The following CSMD3 variants were observed in gnomAD, a reference collection of about 807,000 sequenced individuals.
CSMD3 encodes CUB and sushi domain-containing protein 3.
A neutral mutation model predicts 435.2 loss-of-function variants in CSMD3; 177 were observed. The ratio of observed to expected loss-of-function variants is 0.41; its 90% CI spans 0.36 to 0.46. The LOEUF is 0.46. Among genes scored for constraint, CSMD3 ranks in the 20% least tolerant of loss-of-function variants. The pLI is 0.34. For synonymous variants in CSMD3, 1,656 were observed against 1,520.5 expected (o/e 1.09, Z -2.07); for missense variants, 4,265 against 4,504.6 (o/e 0.95, Z 1.52).
chr8:112,474,228 T>C (rs553735226), intron 31 of CSMD3, among the ~76,000 whole-genome samples: 1 of 152,130 alleles, frequency 6.6e-6, no homozygotes, highest in East Asian at 1.9e-4. Context: ...AACAAAGATA[T>C]ATGTGGCCAG....
At chr8:112,859,070 T>C (rs1174233294) in intron 11 of CSMD3, 75 bp downstream of exon 11, 22 of 1,376,876 alleles carry the variant, frequency 1.6e-5, no homozygotes, top group South Asian at 8.2e-5. Flanking sequence ...CCATACTGCA[T>C]GTTCCGTATT....
chr8:112,690,737 G>C (rs1268371093), intron 13 of CSMD3, among the ~76,000 whole-genome samples: 1 of 152,140 alleles, frequency 6.6e-6, no homozygotes, highest in East Asian at 1.9e-4. Flanking sequence ...CAACCTTTGA[G>C]ATGTATCCAA....
intron 11 of CSMD3, among the ~76,000 whole-genome samples, chr8:112,833,332 AT>A (rs919831037): frequency 1.3e-5 from 2 of 151,712 alleles, no homozygotes; most frequent in African/African-American, 4.8e-5. Flanking sequence ...TATTTTAATA[AT>A]TTTTTTAGTA....
chr8:113,356,078 G>A, intron 1 of CSMD3, among the ~76,000 whole-genome samples: 1 of 151,514 alleles, frequency 6.6e-6, no homozygotes, highest in Admixed American at 6.6e-5. Flanking sequence ...ACCCTCCCAT[G>A]CATGGTCCAA....
intron 30 of CSMD3, among the ~76,000 whole-genome samples, chr8:112,495,035 T>A (rs1035993763): frequency 1.3e-5 from 2 of 152,178 alleles, no homozygotes; most frequent in African/African-American, 4.8e-5. Context: ...TTCTTTCACA[T>A]AAAATATTCA....
chr8:112,983,947 C>G (rs2085151418), intron 6 of CSMD3, among the ~76,000 whole-genome samples: 1 of 151,932 alleles, frequency 6.6e-6, no homozygotes, highest in Non-Finnish European at 1.5e-5. Flanking sequence ...AAACGTCTTA[C>G]TTTCCTGCAA....
chr8:113,119,632 G>C (rs763830550), intron 4 of CSMD3, among the ~76,000 whole-genome samples: 7 of 152,106 alleles, frequency 4.6e-5, no homozygotes, highest in Non-Finnish European at 1.0e-4. Flanking sequence ...TTCCTGACTA[G>C]GCTGAAGAAT....
At chr8:113,282,421 C>T (rs1237733784) in intron 2 of CSMD3, among the ~76,000 whole-genome samples, 1 of 151,948 alleles carries the variant, frequency 6.6e-6, no homozygotes, top group Non-Finnish European at 1.5e-5. Flanking sequence ...AAATCAGTAG[C>T]TCTTCTATAC....
rs199595848 is a variant in CSMD3, at chr8:113,349,978, C to T, written c.179-35185G>A. Reference sequence around the variant, plus strand: ...TGGGTCTACCTCTTGAGAAGCCTGGCAGTTTCCAATTATGGTCTTAAGAGT... The same window carrying T: ...TGGGTCTACCTCTTGAGAAGCCTGGTAGTTTCCAATTATGGTCTTAAGAGT... On this transcript the variant is annotated intron_variant, in intron 1 of 70. Coordinates refer to ENST00000297405, the MANE Select transcript of CSMD3 (RefSeq NM_198123.2). Among the ~76,000 whole-genome samples the T allele has an allele frequency of 3.3e-5, 5 of 151,988 alleles. No individual in the cohort carries two copies. In the East Asian group the frequency reaches 9.7e-4, roughly 29 times the overall value.
At chr8:112,433,973 T>C (rs997358529) in intron 32 of CSMD3, among the ~76,000 whole-genome samples, 1 of 152,112 alleles carries the variant, frequency 6.6e-6, no homozygotes, top group South Asian at 2.1e-4. Context: ...AGCTATTTTG[T>C]TTTTTCAGTG....
At chr8:113,358,418 T>A (rs1195083882) in intron 1 of CSMD3, among the ~76,000 whole-genome samples, 1 of 152,280 alleles carries the variant, frequency 6.6e-6, no homozygotes, top group Non-Finnish European at 1.5e-5. Flanking sequence ...AGTGGCATGA[T>A]CTCAGCTAAC....
intron 2 of CSMD3, chr8:113,313,984 G>C (rs1323528205): frequency 6.6e-6 from 1 of 152,078 alleles, no homozygotes; most frequent in Non-Finnish European, 1.5e-5. Context: ...CTTAAAAATA[G>C]TCAGGGTGCT....
chr8:112,938,557 CAA>C (rs2083355281), intron 9 of CSMD3, among the ~76,000 whole-genome samples: 1 of 152,030 alleles, frequency 6.6e-6, no homozygotes, highest in African/African-American at 2.4e-5. Context: ...GTAGCATGTG[CAA>C]TATTACACAG....
intron 5 of CSMD3, among the ~76,000 whole-genome samples, chr8:113,047,931 T>C (rs561447536): frequency 6.6e-6 from 1 of 152,084 alleles, no homozygotes; most frequent in African/African-American, 2.4e-5. Context: ...TGAAATTAGG[T>C]CTGTATCTTA....
Position 113,406,900 on chromosome 8 carries a change from T to C in CSMD3, c.178+29777A>G, listed in dbSNP as rs574572063. Among the ~76,000 whole-genome samples the C allele has an allele frequency of 3.5e-4, 54 of 152,224 alleles. 1 individual carries two copies. The South Asian group carries it at 0.011, about 32-fold the overall frequency. On this transcript the variant is annotated intron_variant, in intron 1 of 70. Transcript: ENST00000297405. ...AGTGTTTCAAAAACTCCATCTACTG[T>C]AGTTTATTGTTAAATTTATGGTAGC...
intron 11 of CSMD3, among the ~76,000 whole-genome samples, chr8:112,852,414 C>T (rs947956245): frequency 6.6e-6 from 1 of 151,982 alleles, no homozygotes; most frequent in African/African-American, 2.4e-5. Context: ...GGACTGGACC[C>T]AGAATACAAG....
chr8:112,945,939 G>A (rs2083597757), intron 9 of CSMD3, among the ~76,000 whole-genome samples: 2 of 151,426 alleles, frequency 1.3e-5, no homozygotes, highest in African/African-American at 4.8e-5. Context: ...AATTATGTAG[G>A]TACCCACCTT....
chr8:112,432,767 G>A (rs1813852425), intron 32 of CSMD3, among the ~76,000 whole-genome samples: 1 of 151,942 alleles, frequency 6.6e-6, no homozygotes, highest in South Asian at 2.1e-4. Flanking sequence ...TTTTAATGTG[G>A]GTCTCAGTTG....
chr8:112,401,125 T>C (rs1445974205), intron 35 of CSMD3, among the ~76,000 whole-genome samples: 3 of 151,946 alleles, frequency 2.0e-5, no homozygotes, highest in African/African-American at 7.3e-5. Flanking sequence ...GGGAGGATTG[T>C]TTGAACTCAG....
Sources: gnomAD v4.1 joint callset for allele counts (sites outside exome capture counted in the v4.1 genomes callset) on GRCh38, gnomAD v4.1.1 for gene constraint, MANE v1.5 for transcripts, NCBI Gene and HGNC (gene_info 2026-07-23, HGNC 2026-07-21) for gene names.